Variants in PLPPR1 observed in about 807,000 individuals in gnomAD.
PLPPR1 encodes the protein phospholipid phosphatase-related protein type 1.
A neutral mutation model predicts 33.1 loss-of-function variants in PLPPR1; 10 were observed. That is an observed-to-expected ratio of 0.30 (90% CI 0.19 to 0.51). PLPPR1 has a LOEUF of 0.51. Among genes scored for constraint, PLPPR1 ranks in the 20% least tolerant of loss-of-function variants. The pLI, the probability that PLPPR1 is intolerant of heterozygous loss-of-function variation, is 0.97. For missense variants in PLPPR1, 304 were observed against 408.1 expected (o/e 0.74, Z 2.20); for synonymous variants, 151 against 151.0 (o/e 1.00, Z 0.00).
At chr9:101,133,362 T>A (rs1831338814) in intron 1 of PLPPR1, among the ~76,000 whole-genome samples, 1 of 152,212 alleles carries the variant, frequency 6.6e-6, no homozygotes, top group African/African-American at 2.4e-5. Flanking sequence ...ATTAAAGCAC[T>A]ATAACTTGTA....
intron 2 of PLPPR1, among the ~76,000 whole-genome samples, chr9:101,253,271 G>A (rs1284536664): frequency 6.6e-6 from 1 of 151,846 alleles, no homozygotes; most frequent in Non-Finnish European, 1.5e-5. Context: ...TTAGTGGCCA[G>A]GCATGGTGGT....
At chr9:101,138,755 C>T (rs1309713525) in intron 1 of PLPPR1, among the ~76,000 whole-genome samples, 1 of 152,174 alleles carries the variant, frequency 6.6e-6, no homozygotes, top group Non-Finnish European at 1.5e-5. Flanking sequence ...TTATCACCCT[C>T]CAGTGACAGA....
chr9:101,298,652 A>G (rs908159258), intron 4 of PLPPR1, among the ~76,000 whole-genome samples: 1 of 152,100 alleles, frequency 6.6e-6, no homozygotes, highest in Non-Finnish European at 1.5e-5. Flanking sequence ...TGTTCATTCA[A>G]CCTTCAATGA....
intron 2 of PLPPR1, among the ~76,000 whole-genome samples, chr9:101,243,139 A>ACC (rs1827511963): frequency 6.6e-6 from 1 of 152,050 alleles, no homozygotes; most frequent in Non-Finnish European, 1.5e-5. Flanking sequence ...TGAAGTAGAA[A>ACC]TGTATGATTC....
chr9:101,120,317 C>G (rs1035608040), intron 1 of PLPPR1, among the ~76,000 whole-genome samples: 3 of 152,188 alleles, frequency 2.0e-5, no homozygotes, highest in African/African-American at 7.2e-5. Context: ...ATATTACTGG[C>G]ATTAGGCTTT....
chr9:101,191,881 G>GTTGTTTGA (rs1826302336), intron 2 of PLPPR1, among the ~76,000 whole-genome samples: 1 of 152,222 alleles, frequency 6.6e-6, no homozygotes, highest in Non-Finnish European at 1.5e-5. Flanking sequence ...GAATGAAGTT[G>GTTGTTTGA]TTGTTTGATG....
chr9:101,167,481 C>T (rs906156463), intron 1 of PLPPR1, among the ~76,000 whole-genome samples: 1 of 151,672 alleles, frequency 6.6e-6, no homozygotes, highest in Non-Finnish European at 1.5e-5. Context: ...CAGGGCATTT[C>T]CTTTCTTCTC....
intron 2 of PLPPR1, among the ~76,000 whole-genome samples, chr9:101,250,670 C>T (rs1296665834): frequency 2.0e-5 from 3 of 152,048 alleles, no homozygotes; most frequent in South Asian, 4.1e-4. Context: ...ACCACTAACC[C>T]TGCCTCCTTG....
intron 2 of PLPPR1, among the ~76,000 whole-genome samples, chr9:101,253,017 TTGAGA>T (rs566572438): frequency 2.7e-4 from 41 of 152,284 alleles, no homozygotes; most frequent in African/African-American, 7.7e-4. Context: ...TTAAAAAGAT[TTGAGA>T]TAAGTGTGAT....
intron 1 of PLPPR1, among the ~76,000 whole-genome samples, chr9:101,099,188 T>C (rs1369180094): frequency 6.6e-6 from 1 of 152,034 alleles, no homozygotes. Context: ...CTTAGTAAAA[T>C]GCAAACAAAC....
At chr9:101,169,537 T>G (rs1825908782) in intron 1 of PLPPR1, among the ~76,000 whole-genome samples, 1 of 152,160 alleles carries the variant, frequency 6.6e-6, no homozygotes, top group South Asian at 2.1e-4. Context: ...GCTTTCTGCT[T>G]TCTTCTCAAC....
intron 1 of PLPPR1, among the ~76,000 whole-genome samples, chr9:101,042,510 T>C (rs892326348): frequency 1.3e-5 from 2 of 152,160 alleles, no homozygotes; most frequent in African/African-American, 2.4e-5. Flanking sequence ...TCATGCCACA[T>C]TGGACACCAT....
At chr9:101,138,663 A>C (rs770788266) in intron 1 of PLPPR1, among the ~76,000 whole-genome samples, 1 of 152,094 alleles carries the variant, frequency 6.6e-6, no homozygotes. Context: ...GAGTTACTTC[A>C]CTCATTAGCA....
chr9:101,214,281 C>T (rs1306547602), intron 2 of PLPPR1, among the ~76,000 whole-genome samples: 1 of 152,194 alleles, frequency 6.6e-6, no homozygotes, highest in Non-Finnish European at 1.5e-5. Flanking sequence ...TTGAATAGCT[C>T]CTTATACTTC....
chr9:101,293,271 C>T (rs1307682419), intron 4 of PLPPR1, among the ~76,000 whole-genome samples: 1 of 151,492 alleles, frequency 6.6e-6, no homozygotes, highest in Non-Finnish European at 1.5e-5. Flanking sequence ...AATATATATG[C>T]ACCCAATACA....
intron 1 of PLPPR1, among the ~76,000 whole-genome samples, chr9:101,159,966 T>C (rs1253431766): frequency 6.6e-6 from 1 of 152,166 alleles, no homozygotes; most frequent in Non-Finnish European, 1.5e-5. Context: ...TGTGACATGA[T>C]GGTGCTAGAA....
chr9:101,116,150 A>T lies in PLPPR1; in HGVS notation c.-45-69300A>T, dbSNP rs536001689. On this transcript the variant is annotated intron_variant, in intron 1 of 7. Transcript: ENST00000374874. ...CTGTCTGAGAGGCAGGCAACCAGGA[A>T]AAAACATGCGGTTAAGAGTACAGGC... 1.7e-4 allele frequency among the ~76,000 whole-genome samples: 26 copies of T among 152,346 alleles called. 1 individual carries two copies. The South Asian group carries it at 5.4e-3, about 32-fold the overall frequency.
chr9:101,084,404 G>A (rs956823720), intron 1 of PLPPR1, among the ~76,000 whole-genome samples: 19 of 152,200 alleles, frequency 1.2e-4, no homozygotes, highest in African/African-American at 4.6e-4. Context: ...TGATGATGGT[G>A]ACAGTGATGA....
intron 1 of PLPPR1, among the ~76,000 whole-genome samples, chr9:101,147,205 G>A (rs1831531534): frequency 6.6e-6 from 1 of 152,062 alleles, no homozygotes; most frequent in African/African-American, 2.4e-5. Context: ...GTGCTTAGTG[G>A]TCTAGTATAT....
Sources: allele counts gnomAD v4.1 joint callset (sites outside exome capture counted in the v4.1 genomes callset), GRCh38; gene constraint gnomAD v4.1.1; transcripts MANE v1.5; gene names NCBI Gene and HGNC (gene_info 2026-07-23, HGNC 2026-07-21).